Variants in ASPM observed in about 807,000 individuals in gnomAD.
ASPM encodes the protein abnormal spindle-like microcephaly-associated protein.
In ASPM, 256 loss-of-function variants were observed where a neutral mutation model predicts 366.4. That is an observed-to-expected ratio of 0.70 (90% confidence interval 0.63 to 0.77). The LOEUF is 0.77. ASPM is among the 30% of genes least tolerant of loss of function. ASPM has a pLI of 0.00. For synonymous variants in ASPM, 1,414 were observed against 1,342.9 expected (o/e 1.05, Z -1.16); for missense variants, 4,146 against 4,090.4 (o/e 1.01, Z -0.37).
At chr1:197,090,143 T>C (rs916975722) in intron 24 of ASPM, 53 bp downstream of exon 24, 2 of 1,612,618 alleles carry the variant, frequency 1.2e-6, no homozygotes, top group African/African-American at 1.3e-5. Context: ...AATGAAGTTT[T>C]AGCTAATAAT....
intron 4 of ASPM, chr1:197,138,808 A>G (rs1204810747): frequency 1.2e-5 from 9 of 756,954 alleles, no homozygotes; most frequent in Non-Finnish European, 2.2e-5. Flanking sequence ...GCAGTGCCTC[A>G]GAAGCAGCCT....
chr1:197,103,526 T>C lies in ASPM; in HGVS notation c.5725A>G (p.Arg1909Gly). Residue 1909 changes from arginine to glycine, a missense_variant, in exon 18 of 28, where the codon AGA (arginine) becomes GGA (glycine). By Grantham distance (125) the Arg-to-Gly change is moderately radical. Coordinates refer to ENST00000367409, the MANE Select transcript of ASPM (RefSeq NM_018136.5). ...QAALKIQSAF[R>G]MAKAQKQFRL... ...AACTGTTTCTGGGCCTTGGCCATTC[T>C]AAAAGCAGACTGAATCTTCAAGGCA... 6.2e-7 allele frequency: 1 copy of C among 1,613,204 alleles called. No homozygotes were observed. The highest frequency in any genetic ancestry group is 8.5e-7 in the Non-Finnish European group (1 of 1,179,484).
At chr1:197,138,775 T>A (rs1557963152) in intron 4 of ASPM, 2 of 731,364 alleles carry the variant, frequency 2.7e-6, no homozygotes, top group South Asian at 2.8e-5. Flanking sequence ...TGTCTTTCTT[T>A]GTATTGGTGC....
intron 5 of ASPM, among the ~76,000 whole-genome samples, chr1:197,134,050 T>A (rs895508389): frequency 5.9e-5 from 9 of 151,766 alleles, no homozygotes; most frequent in African/African-American, 1.9e-4. Flanking sequence ...TCTTTTTTTT[T>A]AAGTGATCTC....
chr1:197,092,159 A>C, intron 21 of ASPM, 103 bp from the exon 22 acceptor site: 1 of 1,086,166 alleles, frequency 9.2e-7, no homozygotes, highest in Non-Finnish European at 1.4e-6. Flanking sequence ...TAAACTAGCA[A>C]GAATAAACTA....
In ASPM at chr1:197,104,582, A is replaced by T; in HGVS notation, c.4669T>A (p.Cys1557Ser). 6.2e-7 allele frequency: 1 copy of T among 1,612,926 alleles called. No individual in the cohort carries two copies. Among genetic ancestry groups the T allele is most frequent in the Non-Finnish European group, 8.5e-7 (1 of 1,179,436 alleles). The change falls in exon 18 of 28, where the codon TGT (cysteine) becomes AGT (serine). Residue 1557 changes from cysteine to serine, a missense_variant. By Grantham distance (112) the Cys-to-Ser change is moderately radical. Coordinates refer to ENST00000367409, the MANE Select transcript of ASPM (RefSeq NM_018136.5). ...ACACAAGCAGCTCTAATTTGTCTACATAAATTATGAGCTTTCAGTCTCCTA... is the reference window on the plus strand; with the variant it reads ...ACACAAGCAGCTCTAATTTGTCTACTTAAATTATGAGCTTTCAGTCTCCTA... ...AFRRLKAHNL[C>S]RQIRAACVIQ...
At chr1:197,098,548 A>G (rs541812269) in intron 18 of ASPM, among the ~76,000 whole-genome samples, 16 of 151,904 alleles carry the variant, frequency 1.1e-4, no homozygotes, top group Admixed American at 8.5e-4. Flanking sequence ...AATACATCCA[A>G]TGAACACCTT....
rs1216366971 is a variant in ASPM at position 197,103,095 on chromosome 1, A to G, written c.6156T>C (p.Ser2052=). Residue 2052 remains serine, a synonymous_variant, in exon 18 of 28, where the codon TCT becomes TCC. Transcript: ENST00000367409. The part of the protein sequence containing the change: ...DCNKAAVTIQ[S]KYRAYKTKKK... ...TTTTGGTTTTGTAAGCTCTGTATTT[A>G]GACTGTATAGTGACTGCTGCTTTGT... is the stretch of plus-strand genomic sequence containing the variant. 1 of 1,612,802 alleles carries G rather than the reference A, an allele frequency of 6.2e-7. No individual in the cohort carries two copies. Among genetic ancestry groups the G allele is most frequent in the Admixed American group, 1.7e-5 (1 of 59,848 alleles).
chr1:197,139,119 C>G (rs1658504871), intron 4 of ASPM: 4 of 797,870 alleles, frequency 5.0e-6, no homozygotes, highest in Non-Finnish European at 8.9e-6. Flanking sequence ...ATTCATAGTG[C>G]TGAGTGTAGG....
At position 197,088,189 on chromosome 1, in the gene ASPM, T is replaced by A. The variant is rs774578879; in HGVS notation, c.10161+67A>T. 4 of 1,537,072 alleles carry A rather than the reference T, an allele frequency of 2.6e-6. No homozygotes were observed. In the African/African-American group the frequency reaches 4.1e-5, roughly 16 times the overall value. On this transcript the variant is annotated intron_variant, in intron 26 of 27. Coordinates refer to ENST00000367409, the MANE Select transcript of ASPM (RefSeq NM_018136.5). ...AGAGTGATAATTACTAAAGGAAAAC[T>A]ATAAAAGTCATAGACTTAAGACCAC...
At chr1:197,128,452 A>T (rs1334671380) in intron 10 of ASPM, 38 bp downstream of exon 10, 1 of 1,567,912 alleles carries the variant, frequency 6.4e-7, no homozygotes. Flanking sequence ...ATGTTAGTCT[A>T]TTCCATTAAG....
intron 12 of ASPM, 98 bp downstream of exon 12, chr1:197,124,772 G>C: frequency 1.0e-6 from 1 of 970,892 alleles, no homozygotes; most frequent in Non-Finnish European, 1.7e-6. Flanking sequence ...CTTATTAAAT[G>C]ATGGTTGTTG....
At chr1:197,088,652 CT>C (rs1318998200) in intron 25 of ASPM, among the ~76,000 whole-genome samples, 3 of 152,014 alleles carry the variant, frequency 2.0e-5, no homozygotes, top group Admixed American at 1.3e-4. Flanking sequence ...TCTTTTCCCC[CT>C]AATTCTAAAG....
chr1:197,121,884 A>G (rs112597800), intron 16 of ASPM, 31 bp downstream of exon 16: 1 of 1,577,066 alleles, frequency 6.3e-7, no homozygotes, highest in Non-Finnish European at 8.7e-7. Context: ...AGTATAATTC[A>G]CACTATAGTA....
At chr1:197,110,517 A>G (rs1219294933) in intron 17 of ASPM, among the ~76,000 whole-genome samples, 1 of 152,094 alleles carries the variant, frequency 6.6e-6, no homozygotes, top group East Asian at 1.9e-4. Context: ...AAGAAAAGTG[A>G]TAACTGGATT....
intron 17 of ASPM, among the ~76,000 whole-genome samples, chr1:197,116,579 G>A (rs1480930425): frequency 1.3e-5 from 2 of 152,034 alleles, no homozygotes; most frequent in Non-Finnish European, 2.9e-5. Context: ...ATGCCTATAT[G>A]CCTTAAGAAC....
chr1:197,115,542 A>G (rs964519278), intron 17 of ASPM, among the ~76,000 whole-genome samples: 5 of 152,186 alleles, frequency 3.3e-5, no homozygotes, highest in African/African-American at 9.6e-5. Context: ...ATCACTATAT[A>G]TTGCATCCAT....
Position 197,093,953 on chromosome 1 carries a change from C to T in ASPM, c.9084+131G>A, listed in dbSNP as rs114361901. On this transcript the variant is annotated intron_variant, in intron 20 of 27. Coordinates refer to ENST00000367409, the MANE Select transcript of ASPM (RefSeq NM_018136.5). ...GAAATAGATGTGTGTGAAATAAATG[C>T]ATACTTAGGTCTTAAAAACACTTTT... The T allele has an allele frequency of 2.8e-3, 1,681 of 596,868 alleles. 22 individuals carry two copies. The highest frequency in any genetic ancestry group is 0.027 in the African/African-American group (1,443 of 53,280). The allele number at this position is 596,868 out of a possible 1,614,324, so 37.0% of individuals were successfully genotyped here.
Position 197,129,331 on chromosome 1 carries a change from CA to C in ASPM, c.2630-15del. The C allele has an allele frequency of 6.2e-7, 1 of 1,609,238 alleles. No homozygotes were observed. Among genetic ancestry groups the C allele is most frequent in the Non-Finnish European group, 8.5e-7 (1 of 1,177,136 alleles). ...CTTCTTCATGACCTTAAATAAAGTA[CA>C]AAAAAGCACAGCAAGTTAATCTATG... On this transcript the variant is annotated splice_polypyrimidine_tract_variant and intron_variant, in intron 8 of 27. Transcript: ENST00000367409.
Sources: gnomAD v4.1 joint callset for allele counts (sites outside exome capture counted in the v4.1 genomes callset) on GRCh38, gnomAD v4.1.1 for gene constraint, MANE v1.5 for transcripts, NCBI Gene and HGNC (gene_info 2026-07-23, HGNC 2026-07-21) for gene names.